The following CFAP299 variants were observed in gnomAD, a reference collection of about 807,000 sequenced individuals.
CFAP299 encodes cilia and flagella associated protein 299.
Under a neutral mutation model 27.0 loss-of-function variants are expected in CFAP299, and 21 were observed. The ratio of observed to expected loss-of-function variants is 0.78; its 90% CI spans 0.55 to 1.12. The LOEUF (loss-of-function observed/expected upper bound fraction) is 1.12. Among genes scored for constraint, CFAP299 ranks in the 50% most tolerant of loss-of-function variants. The pLI is 0.00. For synonymous variants in CFAP299, 104 were observed against 98.1 expected, an observed-to-expected ratio of 1.06 and a Z score of -0.36; for missense variants, 310 against 276.6, an observed-to-expected ratio of 1.12 and a Z score of -0.86.
chr4:80,443,902 C>G (rs531400601), intron 2 of CFAP299, among the ~76,000 whole-genome samples: 24 of 151,994 alleles, frequency 1.6e-4, no homozygotes, highest in Non-Finnish European at 2.9e-4. Flanking sequence ...CAAACAGAGC[C>G]AAATCATGAG....
intron 3 of CFAP299, among the ~76,000 whole-genome samples, chr4:80,703,277 GAAAAGAAT>G (rs944340438): frequency 2.0e-5 from 3 of 151,630 alleles, no homozygotes; most frequent in Non-Finnish European, 4.4e-5. Context: ...AAAGACTGAC[GAAAAGAAT>G]AATCTACCTT....
chr4:80,489,626 C>T (rs1182969673), intron 2 of CFAP299, among the ~76,000 whole-genome samples: 1 of 152,128 alleles, frequency 6.6e-6, no homozygotes, highest in Non-Finnish European at 1.5e-5. Context: ...CTCATCTCTC[C>T]TGCAAAAATC....
At chr4:80,745,699 C>T (rs1724545303) in intron 3 of CFAP299, among the ~76,000 whole-genome samples, 1 of 151,868 alleles carries the variant, frequency 6.6e-6, no homozygotes, top group East Asian at 1.9e-4. Context: ...AACTAAAGTA[C>T]ATACTTTATT....
chr4:80,510,358 GTCCT>G (rs1314840235), intron 2 of CFAP299, among the ~76,000 whole-genome samples: 1 of 152,136 alleles, frequency 6.6e-6, no homozygotes, highest in East Asian at 1.9e-4. Flanking sequence ...GGCTGCTCCT[GTCCT>G]ACAGGTGCTC....
At chr4:80,902,312 CAT>C (rs1431107899) in intron 4 of CFAP299, among the ~76,000 whole-genome samples, 1 of 146,570 alleles carries the variant, frequency 6.8e-6, no homozygotes, top group Admixed American at 6.9e-5. Flanking sequence ...TTATTTTATC[CAT>C]ATATATATGG....
chr4:80,651,089 T>G (rs975522946), intron 3 of CFAP299, among the ~76,000 whole-genome samples: 1 of 152,134 alleles, frequency 6.6e-6, no homozygotes, highest in African/African-American at 2.4e-5. Flanking sequence ...TTTTGTAAAT[T>G]TTATATTAAT....
intron 3 of CFAP299, among the ~76,000 whole-genome samples, chr4:80,736,218 G>T (rs35067850): frequency 0.18 from 27,442 of 151,758 alleles, 3,589 homozygotes; most frequent in African/African-American, 0.37. Flanking sequence ...GTTTTAGGTC[G>T]AACGTTTAAG....
rs563959299 is a variant in CFAP299 at position 80,882,451 on chromosome 4, A to G, written c.476+12316A>G. ...CAGGAGATCGAGACCATCCTGGCTA[A>G]CACGGTGAAACCCCGTCTCTACTAA... is the stretch of plus-strand genomic sequence containing the variant. On this transcript the variant is annotated intron_variant, in intron 4 of 5. Coordinates refer to ENST00000358105, the MANE Select transcript of CFAP299 (RefSeq NM_152770.3). 3.3e-5 allele frequency among the ~76,000 whole-genome samples: 5 copies of G among 152,216 alleles called. 1 individual carries two copies. The highest frequency in any genetic ancestry group is 1.2e-4 in the African/African-American group (5 of 41,556).
chr4:80,664,719 C>T (rs1223165266), intron 3 of CFAP299, among the ~76,000 whole-genome samples: 1 of 151,972 alleles, frequency 6.6e-6, no homozygotes, highest in East Asian at 1.9e-4. Flanking sequence ...GGTTCAGCCC[C>T]CTTTCCAGGG....
chr4:80,365,010 T>G (rs1723754730), intron 2 of CFAP299, among the ~76,000 whole-genome samples: 1 of 152,240 alleles, frequency 6.6e-6, no homozygotes, highest in Non-Finnish European at 1.5e-5. Flanking sequence ...CTATCATTGA[T>G]GAGCATTTGG....
chr4:80,470,130 G>C (rs560728255), intron 2 of CFAP299, among the ~76,000 whole-genome samples: 1 of 152,124 alleles, frequency 6.6e-6, no homozygotes, highest in East Asian at 1.9e-4. Context: ...GTGAAGAAAA[G>C]CACTAGACAG....
chr4:80,643,452 A>G (rs1325599284), intron 3 of CFAP299, among the ~76,000 whole-genome samples: 1 of 152,168 alleles, frequency 6.6e-6, no homozygotes, highest in Admixed American at 6.6e-5. Flanking sequence ...ATCAAGAGGA[A>G]ATGGGATTTT....
At chr4:80,415,870 C>T (rs1726974980) in intron 2 of CFAP299, among the ~76,000 whole-genome samples, 1 of 152,126 alleles carries the variant, frequency 6.6e-6, no homozygotes, top group Non-Finnish European at 1.5e-5. Context: ...AAAAGTCTGA[C>T]ATACATACAT....
upstream of CFAP299, among the ~76,000 whole-genome samples, chr4:80,334,343 T>C (rs7680288): frequency 0.016 from 2,465 of 152,338 alleles, 69 homozygotes; most frequent in African/African-American, 0.054. Context: ...CTAGATGCTT[T>C]ACTGTTTCTT....
chr4:80,562,658 A>C (rs1053787461), intron 2 of CFAP299, among the ~76,000 whole-genome samples: 16 of 54,078 alleles, frequency 3.0e-4, no homozygotes, highest in Non-Finnish European at 1.6e-4. Context: ...ACTCAATTTC[A>C]ATAATAATAA....
At chr4:80,738,676 A>G (rs1274810051) in intron 3 of CFAP299, among the ~76,000 whole-genome samples, 1 of 137,544 alleles carries the variant, frequency 7.3e-6, no homozygotes. Context: ...TTTTTTTTTA[A>G]CCCTTTCAAC....
chr4:80,938,189 G>A (rs1476032461), intron 4 of CFAP299, among the ~76,000 whole-genome samples: 1 of 152,138 alleles, frequency 6.6e-6, no homozygotes, highest in Non-Finnish European at 1.5e-5. Context: ...AGAGGATTCT[G>A]TGTTGGGAAC....
chr4:80,686,980 C>T (rs960201192), intron 3 of CFAP299, among the ~76,000 whole-genome samples: 1 of 152,178 alleles, frequency 6.6e-6, no homozygotes, highest in East Asian at 1.9e-4. Context: ...CTTATAAATT[C>T]CAACGGCAAA....
At chr4:80,721,722 GA>G (rs1722822753) in intron 3 of CFAP299, among the ~76,000 whole-genome samples, 1 of 152,058 alleles carries the variant, frequency 6.6e-6, no homozygotes. Context: ...AGAGGGAAGG[GA>G]AAATACATTT....
Sources: gnomAD v4.1 joint callset for allele counts (sites outside exome capture counted in the v4.1 genomes callset) on GRCh38, gnomAD v4.1.1 for gene constraint, MANE v1.5 for transcripts, NCBI Gene and HGNC (gene_info 2026-07-23, HGNC 2026-07-21) for gene names.